GPAA1: variants seen among roughly 807,000 people sequenced by gnomAD.
The protein encoded by GPAA1 is GPI-anchor transamidase component GPAA1.
In GPAA1, 54 loss-of-function variants were observed where a neutral mutation model predicts 64.0. The observed-to-expected ratio is 0.84, with a 90% confidence interval of 0.68 to 1.06. GPAA1 has a LOEUF of 1.06. Among genes scored for constraint, GPAA1 ranks in the 50% least tolerant of loss-of-function variants. The pLI is 0.00. For synonymous variants in GPAA1, 393 were observed against 377.3 expected (o/e 1.04, Z -0.48); for missense variants, 780 against 822.3 (o/e 0.95, Z 0.63).
chr8:144,083,813 A>G lies in GPAA1; in HGVS notation c.466A>G (p.Asn156Asp). 1.2e-6 allele frequency: 2 copies of G among 1,610,432 alleles called. No homozygotes were observed. The highest frequency in any genetic ancestry group is 8.5e-7 in the Non-Finnish European group (1 of 1,179,882). ...CGTGCCCTGTGGCTCTGACTCTACC[A>G]ACAGCCAGGCTGTGGGGCTGCTGCT... ...LTVPCGSDST[N>D]SQAVGLLLAL... The change falls in exon 4 of 12, where the codon AAC becomes GAC. Residue 156 changes from asparagine to aspartate, a missense_variant. By Grantham distance (23) the Asn-to-Asp change is conservative. Transcript: ENST00000355091.
chr8:144,084,758 C>T lies in GPAA1; in HGVS notation c.1047C>T (p.Leu349=), dbSNP rs1554764100. ...LEGMFRKLNH[L]LERLHQSFFL... ...GCATGTTCCGCAAGCTCAACCACCT[C>T]CTGGAGCGCCTGCACCAGTCCTTCT... Residue 349 remains leucine (L), a synonymous_variant, in exon 8 of 12, where the codon CTC becomes CTT. Coordinates refer to ENST00000355091, the MANE Select transcript of GPAA1 (RefSeq NM_003801.4). 6.2e-7 allele frequency: 1 copy of T among 1,613,860 alleles called. No homozygotes were observed.
rs202243892 is a variant in GPAA1, at chr8:144,083,273, G to A, written c.224G>A (p.Arg75Gln). Reference sequence around the variant, plus strand: ...GGAGACCGTGCCCGGGCTTTTGCCCGGGACTTCGCCGCCCACCGCAAGAAG... The same window carrying A: ...GGAGACCGTGCCCGGGCTTTTGCCCAGGACTTCGCCGCCCACCGCAAGAAG... ...AGGDRARAFA[R>Q]DFAAHRKKSG... is the part of the protein sequence containing the mutation. The change falls in exon 2 of 12, where the codon CGG becomes CAG. Residue 75 changes from arginine to glutamine, a missense_variant. Coordinates refer to ENST00000355091, the MANE Select transcript of GPAA1 (RefSeq NM_003801.4). The A allele has an allele frequency of 6.2e-7, 1 of 1,603,236 alleles. No homozygotes were observed.
chr8:144,084,956 A>AT, intron 8 of GPAA1, 81 bp downstream of exon 8: 1 of 1,265,764 alleles, frequency 7.9e-7, no homozygotes, highest in Non-Finnish European at 1.1e-6. Flanking sequence ...TTCCATCCTG[A>AT]TGGGGGGTGG....
intron 9 of GPAA1, 63 bp from the exon 10 acceptor site, chr8:144,085,226 G>C: frequency 6.7e-7 from 1 of 1,495,442 alleles, no homozygotes; most frequent in Non-Finnish European, 9.1e-7. Context: ...TGGTGGGATG[G>C]TGGTGGTCTT....
At position 144,085,569 on chromosome 8, in the gene GPAA1, A is replaced by G. The variant is rs1127096; in HGVS notation, c.1452-4A>G. The G allele has an allele frequency of 0.09, 144,588 of 1,612,552 alleles. 9,258 individuals carry two copies. Among genetic ancestry groups the G allele is most frequent in the African/African-American group, 0.33 (24,758 of 74,938 alleles). ...GGGTTGCCTCTGAGTCCTTTGTCTT[A>G]CAGGGTGGTAAGCACACAGGCCCCA... is the stretch of plus-strand genomic sequence containing the variant. On this transcript the variant is annotated splice_polypyrimidine_tract_variant and splice_region_variant and intron_variant, in intron 10 of 11. Transcript: ENST00000355091.
chr8:144,085,985 G>A lies in GPAA1; in HGVS notation c.1726G>A (p.Glu576Lys), dbSNP rs367544103. The A allele has an allele frequency of 1.3e-4, 214 of 1,608,104 alleles. 1 individual carries two copies. Among genetic ancestry groups the A allele is most frequent in the South Asian group, 4.2e-4 (38 of 91,078 alleles). Residue 576 changes from glutamate to lysine, a missense_variant, in exon 12 of 12, where the codon GAG becomes AAG. By Grantham distance (56) the Glu-to-Lys change is moderately conservative. Coordinates refer to ENST00000355091, the MANE Select transcript of GPAA1 (RefSeq NM_003801.4). Reference sequence around the variant, plus strand: ...GCAGGAGGCGCCACTGTCACTGGCCGAGGGCTGGCAGCTCTTCCTGGCAGC... The same window carrying A: ...GCAGGAGGCGCCACTGTCACTGGCCAAGGGCTGGCAGCTCTTCCTGGCAGC... ...ELQEAPLSLAEGWQLFLAALA... is the reference protein window; with the variant it reads ...ELQEAPLSLAKGWQLFLAALA...
In GPAA1 at chr8:144,083,783, C is replaced by T. The variant is rs374909184; in HGVS notation, c.436C>T (p.Leu146Phe). The part of the protein sequence containing the change: ...PRAASTESLV[L>F]TVPCGSDSTN... The stretch of plus-strand genomic sequence containing the variant: ...TGCTGCCAGCACCGAGTCGCTTGTG[C>T]TCACCGTGCCCTGTGGCTCTGACTC... Residue 146 changes from leucine to phenylalanine, a missense_variant, in exon 4 of 12, where the codon CTC (leucine) becomes TTC (phenylalanine). Transcript: ENST00000355091. The T allele has an allele frequency of 2.5e-6, 4 of 1,594,980 alleles. No individual in the cohort carries two copies. The highest frequency in any genetic ancestry group is 2.3e-5 in the East Asian group (1 of 43,958).
Position 144,082,807 on chromosome 8 carries a change from G to A in GPAA1, c.74+3G>A. The A allele has an allele frequency of 1.4e-6, 2 of 1,459,396 alleles. No homozygotes were observed. Among genetic ancestry groups the A allele is most frequent in the Non-Finnish European group, 1.8e-6 (2 of 1,112,038 alleles). 90.4% of individuals were successfully genotyped at this position (1,459,396 alleles called of 1,614,324 possible). On this transcript the variant is annotated splice_donor_region_variant and intron_variant, in intron 1 of 11. Coordinates refer to ENST00000355091, the MANE Select transcript of GPAA1 (RefSeq NM_003801.4). ...CTGCGCCTCAACGCGCCGTTGTGGTGAGGACAGGGCCCGGGGAGGCGGGGA... is the reference window on the plus strand; with the variant it reads ...CTGCGCCTCAACGCGCCGTTGTGGTAAGGACAGGGCCCGGGGAGGCGGGGA...
At chr8:144,084,646 A>G (rs1554764085) in intron 7 of GPAA1, 37 bp downstream of exon 7, 3 of 1,605,882 alleles carry the variant, frequency 1.9e-6, no homozygotes, top group East Asian at 2.2e-5. Context: ...CATGCCCAGG[A>G]TGGGGTCTAG....
At position 144,082,737 on chromosome 8, in the gene GPAA1, C is replaced by G. The variant is rs1835929028; in HGVS notation, c.7C>G (p.Leu3Val). The G allele has an allele frequency of 2.7e-6, 4 of 1,461,120 alleles. No homozygotes were observed. The highest frequency in any genetic ancestry group is 5.0e-5 in the Admixed American group (2 of 40,362). 90.5% of individuals were successfully genotyped at this position (1,461,120 alleles called of 1,614,324 possible). ...CGCGCCGCCCTGCCCCGCCATGGGC[C>G]TCCTGTCGGACCCGGTTCGCCGGCG... Reference protein sequence around the residue: MGLLSDPVRRRAL... With the variant: MGVLSDPVRRRAL... Residue 3 changes from leucine to valine, a missense_variant, in exon 1 of 12, where the codon CTC (leucine) becomes GTC (valine). Physicochemically the swap from Leu to Val is conservative, Grantham distance 32. Transcript: ENST00000355091.
Position 144,086,148 on chromosome 8 carries a change from CAG to C in GPAA1, c.*27_*28del. 6.2e-7 allele frequency: 1 copy of C among 1,603,248 alleles called. No homozygotes were observed. The highest frequency in any genetic ancestry group is 1.1e-5 in the South Asian group (1 of 90,906). On this transcript the variant is annotated 3_prime_UTR_variant, in exon 12 of 12. Coordinates refer to ENST00000355091, the MANE Select transcript of GPAA1 (RefSeq NM_003801.4). ...TGAGATCTGCCTGTCCGGGCTGGGA[CAG>C]AGACTCCCCAAGGACCCCATTCTGC...
chr8:144,082,894 GCTCCAGCTGCTCGCGCCC>G, intron 1 of GPAA1, 90 bp downstream of exon 1: 2 of 1,072,558 alleles, frequency 1.9e-6, no homozygotes, highest in South Asian at 1.9e-5. Flanking sequence ...GGCCGGGGCC[GCTCCAGCTGCTCGCGCCC>G]CTCCGGCTGC....
chr8:144,085,567 T>C lies in GPAA1; in HGVS notation c.1452-6T>C, dbSNP rs1835983321. 6.2e-7 allele frequency: 1 copy of C among 1,612,682 alleles called. No homozygotes were observed. The highest frequency in any genetic ancestry group is 8.5e-7 in the Non-Finnish European group (1 of 1,179,532). ...GTGGGTTGCCTCTGAGTCCTTTGTC[T>C]TACAGGGTGGTAAGCACACAGGCCC... is the stretch of plus-strand genomic sequence containing the variant. On this transcript the variant is annotated splice_polypyrimidine_tract_variant and splice_region_variant and intron_variant, in intron 10 of 11. Transcript: ENST00000355091.
At chr8:144,082,990 C>T (rs758949468) in intron 1 of GPAA1, 134 bp from the exon 2 acceptor site, 182 of 929,024 alleles carry the variant, frequency 2.0e-4, no homozygotes, top group Middle Eastern at 3.4e-4. Context: ...GGCTCGGGTC[C>T]GGCGTCCCGA....
chr8:144,083,291 G>T lies in GPAA1; in HGVS notation c.242G>T (p.Arg81Leu), dbSNP rs1238877797. The change falls in exon 2 of 12, where the codon CGC (arginine) becomes CTC (leucine). Residue 81 changes from arginine (R) to leucine (L), a missense_variant. Transcript: ENST00000355091. ...RAFARDFAAH[R>L]KKSGALPVAW... The stretch of plus-strand genomic sequence containing the variant: ...TTTGCCCGGGACTTCGCCGCCCACC[G>T]CAAGAAGTCGGGGTGAGCGGCAGAG... 42 of 1,603,080 alleles carry T rather than the reference G, an allele frequency of 2.6e-5. No homozygotes were observed. The highest frequency in any genetic ancestry group is 3.5e-5 in the Non-Finnish European group (41 of 1,173,150).
Position 144,083,697 on chromosome 8 carries a change from A to T in GPAA1, c.367-17A>T, listed in dbSNP as rs1554763868. The T allele has an allele frequency of 1.9e-6, 3 of 1,594,758 alleles. No homozygotes were observed. The Admixed American group carries it at 5.0e-5, about 27-fold the overall frequency. On this transcript the variant is annotated splice_polypyrimidine_tract_variant and intron_variant, in intron 3 of 11. Transcript: ENST00000355091. ...ACAAAGTTACACTGAGGCTCCCCCCACCGATGCTGCATACAGATGGTGTCG... is the reference window on the plus strand; with the variant it reads ...ACAAAGTTACACTGAGGCTCCCCCCTCCGATGCTGCATACAGATGGTGTCG...
rs782032414 is a variant in GPAA1, at chr8:144,085,963, G to A, written c.1704G>A (p.Gln568=). The change falls in exon 12 of 12, where the codon CAG becomes CAA. Residue 568 remains glutamine, a synonymous_variant. Coordinates refer to ENST00000355091, the MANE Select transcript of GPAA1 (RefSeq NM_003801.4). ...GCCTGTTCCTGTGGCGGGAGCTGCA[G>A]GAGGCGCCACTGTCACTGGCCGAGG... is the stretch of plus-strand genomic sequence containing the variant. ...LGSLFLWREL[Q]EAPLSLAEGW... is the part of the protein sequence containing the mutation. The A allele has an allele frequency of 1.2e-6, 2 of 1,606,616 alleles. No individual in the cohort carries two copies. The highest frequency in any genetic ancestry group is 1.7e-6 in the Non-Finnish European group (2 of 1,179,904).
intron 5 of GPAA1, 24 bp from the exon 6 acceptor site, chr8:144,084,110 G>A (rs1554763969): frequency 6.2e-7 from 1 of 1,612,148 alleles, no homozygotes; most frequent in African/African-American, 1.3e-5. Context: ...TCCTCCATTA[G>A]CACTCATTCA....
Position 144,085,088 on chromosome 8 carries a change from G to C in GPAA1, c.1210G>C (p.Glu404Gln). 1 of 1,610,404 alleles carries C rather than the reference G, an allele frequency of 6.2e-7. No homozygotes were observed. The highest frequency in any genetic ancestry group is 1.3e-5 in the African/African-American group (1 of 74,924). The change falls in exon 9 of 12, where the codon GAG becomes CAG. Residue 404 changes from glutamate to glutamine, a missense_variant. By Grantham distance (29) the Glu-to-Gln change is conservative. Coordinates refer to ENST00000355091, the MANE Select transcript of GPAA1 (RefSeq NM_003801.4). The stretch of plus-strand genomic sequence containing the variant: ...GCTGCATGAGGCTGGAATGGGCCTT[G>C]AGGAGCCCGGGGGTGCCCCTGGCCC... ...MQLHEAGMGL[E>Q]EPGGAPGPSV...
Sources: gnomAD v4.1 joint callset for allele counts on GRCh38, gnomAD v4.1.1 for gene constraint, MANE v1.5 for transcripts, NCBI Gene and HGNC (gene_info 2026-07-23, HGNC 2026-07-21) for gene names.